Variants in TVP23B observed in about 807,000 individuals in gnomAD.
The protein encoded by TVP23B is Golgi apparatus membrane protein TVP23 homolog B.
In TVP23B, 10 loss-of-function variants were observed where a neutral mutation model predicts 30.6. The ratio of observed to expected loss-of-function variants is 0.33; its 90% CI spans 0.20 to 0.55. The LOEUF (loss-of-function observed/expected upper bound fraction) is 0.55. Among genes scored for constraint, TVP23B ranks in the 20% least tolerant of loss-of-function variants. The pLI is 0.91. For synonymous variants in TVP23B, 67 were observed against 83.1 expected (o/e 0.81, Z 1.06); for missense variants, 153 against 243.2 (o/e 0.63, Z 2.47).
rs574919189 is a variant in TVP23B at position 18,781,555 on chromosome 17, C to A, written c.12+250C>A. Reference sequence around the variant, plus strand: ...GGCTGTGGGGACGCCCATTGTTAACCAGCGCGAGTGGGGGTCTCTCTTTCC... The same window carrying A: ...GGCTGTGGGGACGCCCATTGTTAACAAGCGCGAGTGGGGGTCTCTCTTTCC... On this transcript the variant is annotated intron_variant, in intron 1 of 6. Coordinates refer to ENST00000307767, the MANE Select transcript of TVP23B (RefSeq NM_016078.6). 636 of 548,548 alleles carry A rather than the reference C, an allele frequency of 1.2e-3. 1 individual carries two copies. The Middle Eastern group carries it at 0.015, about 13-fold the overall frequency. 34.0% of individuals were successfully genotyped at this position (548,548 alleles called of 1,614,324 possible).
intron 6 of TVP23B, chr17:18,804,725 A>G (rs1259503212): frequency 6.5e-6 from 2 of 307,290 alleles, no homozygotes; most frequent in Non-Finnish European, 1.0e-5. Flanking sequence ...AGTAGCTGGG[A>G]TTACAGGCGC....
Position 18,806,282 on chromosome 17 carries a change from T to C in TVP23B, c.*715T>C, listed in dbSNP as rs1479723097. The C allele has an allele frequency of 1.0e-6, 1 of 968,642 alleles. No homozygotes were observed. The highest frequency in any genetic ancestry group is 1.8e-5 in the African/African-American group (1 of 56,870). The allele number at this position is 968,642 out of a possible 1,614,324, so 60.0% of individuals were successfully genotyped here. ...CAGAAAGGATAGCTAGATTGAAAGCTCTTCAGTGGACCTTGAGCTAATAGA... is the reference window on the plus strand; with the variant it reads ...CAGAAAGGATAGCTAGATTGAAAGCCCTTCAGTGGACCTTGAGCTAATAGA... On this transcript the variant is annotated 3_prime_UTR_variant, in exon 7 of 7. Coordinates refer to ENST00000307767, the MANE Select transcript of TVP23B (RefSeq NM_016078.6).
chr17:18,802,713 C>T (rs1375526142), intron 5 of TVP23B, among the ~76,000 whole-genome samples: 1 of 152,186 alleles, frequency 6.6e-6, no homozygotes, highest in Non-Finnish European at 1.5e-5. Flanking sequence ...TGTCTGACTT[C>T]ACTGCACCAT....
In TVP23B at chr17:18,805,552, T is replaced by C; in HGVS notation, c.603T>C (p.Asp201=). ...GKQFLRQNTG[D]DQTS ...TTTGTCTTTTGCAGAACACTGGAGATGATCAGACTTCCTGAATAGAGAAAG... is the reference window on the plus strand; with the variant it reads ...TTTGTCTTTTGCAGAACACTGGAGACGATCAGACTTCCTGAATAGAGAAAG... Residue 201 remains aspartate (D), a synonymous_variant, in exon 7 of 7, where the codon GAT becomes GAC. Coordinates refer to ENST00000307767, the MANE Select transcript of TVP23B (RefSeq NM_016078.6). 1 of 1,606,970 alleles carries C rather than the reference T, an allele frequency of 6.2e-7. No homozygotes were observed. The highest frequency in any genetic ancestry group is 8.5e-7 in the Non-Finnish European group (1 of 1,178,106).
intron 3 of TVP23B, among the ~76,000 whole-genome samples, chr17:18,793,997 T>C (rs1272267797): frequency 6.6e-6 from 1 of 151,572 alleles, no homozygotes; most frequent in Non-Finnish European, 1.5e-5. Flanking sequence ...AAGAAAGCAC[T>C]AAGAGGAACA....
chr17:18,802,319 A>G (rs1013216637), intron 5 of TVP23B, among the ~76,000 whole-genome samples: 1 of 151,992 alleles, frequency 6.6e-6, no homozygotes. Context: ...CCACCTCCTC[A>G]CTTCTCTTAA....
intron 2 of TVP23B, among the ~76,000 whole-genome samples, chr17:18,790,282 G>T (rs1187942993): frequency 3.3e-5 from 5 of 151,940 alleles, no homozygotes; most frequent in African/African-American, 9.7e-5. Context: ...GGCTAACATG[G>T]TGAAACCCCA....
At chr17:18,792,560 T>C (rs2036013612) in intron 3 of TVP23B, among the ~76,000 whole-genome samples, 1 of 152,250 alleles carries the variant, frequency 6.6e-6, no homozygotes, top group Non-Finnish European at 1.5e-5. Context: ...CTTTTTGTTG[T>C]TCATAAAATT....
At chr17:18,790,336 C>T (rs1291293614) in intron 2 of TVP23B, among the ~76,000 whole-genome samples, 4 of 151,352 alleles carry the variant, frequency 2.6e-5, no homozygotes, top group South Asian at 2.1e-4. Context: ...TGGTGGCAGG[C>T]GCCTGTAGTC....
chr17:18,784,787 TA>T (rs1221203549), intron 1 of TVP23B, among the ~76,000 whole-genome samples: 1 of 152,248 alleles, frequency 6.6e-6, no homozygotes, highest in Non-Finnish European at 1.5e-5. Flanking sequence ...TGGCTCACCT[TA>T]TGTTCCTTGG....
rs1312137790 is a variant in TVP23B, at chr17:18,805,120, G to A, written c.592-421G>A. On this transcript the variant is annotated intron_variant, in intron 6 of 6. Transcript: ENST00000307767. ...TTTTTTTTTCTTGAGACGGAGTCTC[G>A]CTCTGTCGCCCAGGCTGGAGTGCAG... Among the ~76,000 whole-genome samples, 6 of 129,060 alleles carry A rather than the reference G, an allele frequency of 4.6e-5. No individual in the cohort carries two copies. In the East Asian group the frequency reaches 7.1e-4, roughly 15 times the overall value. 84.7% of individuals were successfully genotyped at this position (129,060 alleles called of 152,430 possible). A position where few individuals can be genotyped will look rare whatever the true frequency, so the allele number is the denominator to read the frequency against.
intron 5 of TVP23B, among the ~76,000 whole-genome samples, chr17:18,802,177 G>A (rs1208644071): frequency 1.3e-5 from 2 of 152,130 alleles, no homozygotes; most frequent in African/African-American, 2.4e-5. Context: ...AGCCAAGATC[G>A]TGCCACCGCA....
intron 3 of TVP23B, among the ~76,000 whole-genome samples, chr17:18,794,999 T>C (rs1348805019): frequency 6.6e-6 from 1 of 150,542 alleles, no homozygotes; most frequent in Non-Finnish European, 1.5e-5. Flanking sequence ...TGTGGCTGTC[T>C]TGAAGGCATC....
chr17:18,783,208 C>A (rs937052125), intron 1 of TVP23B, among the ~76,000 whole-genome samples: 3 of 151,968 alleles, frequency 2.0e-5, no homozygotes, highest in Non-Finnish European at 2.9e-5. Flanking sequence ...CGGCTTCAAG[C>A]GATTCTTCTG....
chr17:18,784,882 A>G (rs2035875439), intron 1 of TVP23B, among the ~76,000 whole-genome samples: 1 of 152,064 alleles, frequency 6.6e-6, no homozygotes, highest in African/African-American at 2.4e-5. Flanking sequence ...TGTCTTAGCC[A>G]TCTTTATCTT....
chr17:18,783,092 G>GAGTTATTTATTTATTT (rs2035834154), intron 1 of TVP23B, among the ~76,000 whole-genome samples: 1 of 78,164 alleles, frequency 1.3e-5, no homozygotes, highest in African/African-American at 4.3e-5. Context: ...TTTATTTATT[G>GAGTTATTTATTTATTT]ATTGATTGAT....
At position 18,798,236 on chromosome 17, in the gene TVP23B, C is replaced by T. The variant is rs62075105; in HGVS notation, c.330+568C>T. Among the ~76,000 whole-genome samples, 1,318 of 152,074 alleles carry T rather than the reference C, an allele frequency of 8.7e-3. 2 individuals are homozygous for T. Among genetic ancestry groups the T allele is most frequent in the South Asian group, 0.012 (59 of 4,810 alleles). On this transcript the variant is annotated intron_variant, in intron 4 of 6. Transcript: ENST00000307767. ...TGGAAGCAGAGGACCAAATTCTTGG[C>T]GACAGTACACCAAGGGTATTGACAA...
chr17:18,784,733 C>T (rs1335438345), intron 1 of TVP23B, among the ~76,000 whole-genome samples: 3 of 152,240 alleles, frequency 2.0e-5, no homozygotes, highest in African/African-American at 7.2e-5. Context: ...ATGGATCCTC[C>T]TCCTGGAGGC....
intron 5 of TVP23B, 66 bp downstream of exon 5, chr17:18,799,009 C>G: frequency 1.3e-6 from 2 of 1,553,388 alleles, no homozygotes; most frequent in Non-Finnish European, 1.7e-6. Flanking sequence ...TAGGAAGCAA[C>G]AACTACAACT....
Sources: allele counts gnomAD v4.1 joint callset (sites outside exome capture counted in the v4.1 genomes callset), GRCh38; gene constraint gnomAD v4.1.1; transcripts MANE v1.5; gene names NCBI Gene and HGNC (gene_info 2026-07-23, HGNC 2026-07-21).